Variants in EXOC4 observed in about 807,000 individuals in gnomAD.
The protein encoded by EXOC4 is exocyst complex component 4.
A neutral mutation model predicts 107.2 loss-of-function variants in EXOC4; 71 were observed. The observed-to-expected ratio is 0.66, with a 90% CI of 0.55 to 0.81. The LOEUF is 0.81. EXOC4 is among the 30% of genes least tolerant of loss of function. The probability of loss-of-function intolerance (pLI) is 0.00; values close to 1 mark genes in which losing one functional copy is unlikely to be tolerated. For missense variants in EXOC4, 1,108 were observed against 1,189.6 expected, an observed-to-expected ratio of 0.93 and a Z score of 1.01; for synonymous variants, 456 against 441.2, an observed-to-expected ratio of 1.03 and a Z score of -0.42.
intron 7 of EXOC4, among the ~76,000 whole-genome samples, chr7:133,444,127 G>A (rs1015595046): frequency 2.0e-5 from 3 of 152,182 alleles, no homozygotes; most frequent in Non-Finnish European, 4.4e-5. Context: ...CATGGGTTCA[G>A]TCTGAGTGTT....
chr7:134,007,579 G>A, intron 16 of EXOC4, 97 bp from the exon 17 acceptor site: 1 of 1,142,566 alleles, frequency 8.8e-7, no homozygotes, highest in Non-Finnish European at 1.2e-6. Flanking sequence ...TAAATGTATA[G>A]AGGATTAGAA....
chr7:133,473,856 A>G (rs1798943781), intron 7 of EXOC4, among the ~76,000 whole-genome samples: 1 of 149,660 alleles, frequency 6.7e-6, no homozygotes, highest in Non-Finnish European at 1.5e-5. Flanking sequence ...ACCAACCACC[A>G]TGCCCGGCTA....
At chr7:133,446,044 A>G (rs969665972) in intron 7 of EXOC4, among the ~76,000 whole-genome samples, 9 of 150,008 alleles carry the variant, frequency 6.0e-5, no homozygotes, top group Non-Finnish European at 1.0e-4. Flanking sequence ...TGACTGAGCC[A>G]ACCAGGATAC....
chr7:134,017,106 G>A lies in EXOC4; in HGVS notation c.2687+9271G>A, dbSNP rs575041747. 3.3e-5 allele frequency among the ~76,000 whole-genome samples: 5 copies of A among 152,286 alleles called. No homozygotes were observed. In the South Asian group the frequency reaches 6.2e-4, roughly 19 times the overall value. ...TTGTCACATCCTTTTCTCTGTTTGC[G>A]TTTCCCAGCTTTATTCTGCCATTGG... On this transcript the variant is annotated intron_variant, in intron 17 of 17. Transcript: ENST00000253861.
At chr7:134,072,615 G>A in the EXOC4 span, among the ~76,000 whole-genome samples, 258 of 152,268 alleles carry the variant, frequency 1.7e-3, no homozygotes, top group Middle Eastern at 0.01. Context: ...GCTATGCTAA[G>A]GTGCCAGATT....
At chr7:133,946,832 C>A (rs1800562706) in intron 14 of EXOC4, among the ~76,000 whole-genome samples, 1 of 152,344 alleles carries the variant, frequency 6.6e-6, no homozygotes, top group East Asian at 1.9e-4. Flanking sequence ...GCTGATAACA[C>A]AAGAGTTACC....
At chr7:133,699,733 C>T (rs1794617050) in intron 10 of EXOC4, among the ~76,000 whole-genome samples, 1 of 152,152 alleles carries the variant, frequency 6.6e-6, no homozygotes, top group Admixed American at 6.6e-5. Flanking sequence ...GGACAACTTT[C>T]ACAGTCTTCT....
intron 7 of EXOC4, among the ~76,000 whole-genome samples, chr7:133,440,332 T>C (rs966213809): frequency 5.3e-4 from 81 of 152,134 alleles, no homozygotes; most frequent in African/African-American, 1.9e-3. Context: ...CATTCTGTTA[T>C]TTTTCCCACC....
At chr7:133,936,954 C>T (rs1800317890) in intron 13 of EXOC4, among the ~76,000 whole-genome samples, 1 of 152,212 alleles carries the variant, frequency 6.6e-6, no homozygotes, top group African/African-American at 2.4e-5. Context: ...AGCCACTGCG[C>T]CCGGCCTTCA....
intron 10 of EXOC4, among the ~76,000 whole-genome samples, chr7:133,659,104 A>G (rs957553344): frequency 1.4e-5 from 2 of 146,944 alleles, no homozygotes; most frequent in Non-Finnish European, 3.0e-5. Flanking sequence ...CTCAGGTAAA[A>G]TGCCCTCAAA....
chr7:133,513,860 A>G (rs1464816745), intron 9 of EXOC4, among the ~76,000 whole-genome samples: 1 of 152,186 alleles, frequency 6.6e-6, no homozygotes, highest in Non-Finnish European at 1.5e-5. Context: ...GATTCATGAA[A>G]TTGCTGGATA....
chr7:133,926,042 C>CAAAAAA (rs552126104), intron 13 of EXOC4, among the ~76,000 whole-genome samples: 1 of 104,710 alleles, frequency 9.6e-6, no homozygotes, highest in Admixed American at 1.1e-4. Context: ...GACTCCGTCT[C>CAAAAAA]AAAAAAAAAA....
intron 9 of EXOC4, among the ~76,000 whole-genome samples, chr7:133,614,871 G>A (rs530436479): frequency 3.3e-5 from 5 of 149,460 alleles, no homozygotes; most frequent in African/African-American, 1.2e-4. Context: ...TCAAGGGCTA[G>A]CAGACAACAT....
chr7:133,602,600 T>G (rs1228015829), intron 9 of EXOC4, among the ~76,000 whole-genome samples: 1 of 152,250 alleles, frequency 6.6e-6, no homozygotes, highest in Non-Finnish European at 1.5e-5. Context: ...ATGGGAATGT[T>G]TCCTAAAGCC....
At chr7:133,969,977 G>C (rs1801164350) in intron 14 of EXOC4, among the ~76,000 whole-genome samples, 1 of 152,228 alleles carries the variant, frequency 6.6e-6, no homozygotes, top group African/African-American at 2.4e-5. Context: ...CTGTCCCAGG[G>C]AGATGGGAGT....
At chr7:133,767,202 T>G (rs1247965416) in intron 10 of EXOC4, among the ~76,000 whole-genome samples, 1 of 151,904 alleles carries the variant, frequency 6.6e-6, no homozygotes, top group African/African-American at 2.4e-5. Flanking sequence ...CTCTCCCTAA[T>G]TTACATCAAA....
chr7:133,945,379 C>A (rs533287797), intron 14 of EXOC4, among the ~76,000 whole-genome samples: 45 of 152,288 alleles, frequency 3.0e-4, no homozygotes, highest in Admixed American at 1.9e-3. Flanking sequence ...AATTATTTTG[C>A]CAGTTCTTCT....
intron 12 of EXOC4, among the ~76,000 whole-genome samples, chr7:133,906,739 C>T (rs2116581606): frequency 6.6e-6 from 1 of 152,350 alleles, no homozygotes; most frequent in East Asian, 1.9e-4. Flanking sequence ...TTCCATCCCT[C>T]CAGATCCGGC....
chr7:133,486,362 A>G (rs761983612), intron 9 of EXOC4, among the ~76,000 whole-genome samples: 3 of 152,206 alleles, frequency 2.0e-5, no homozygotes, highest in Non-Finnish European at 2.9e-5. Context: ...AGTCTCTTAT[A>G]TAGCAAGCTG....
Sources: gnomAD v4.1 joint callset for allele counts (sites outside exome capture counted in the v4.1 genomes callset) on GRCh38, gnomAD v4.1.1 for gene constraint, MANE v1.5 for transcripts, NCBI Gene and HGNC (gene_info 2026-07-23, HGNC 2026-07-21) for gene names.